LHX8: variants seen among roughly 807,000 people sequenced by gnomAD.
The protein encoded by LHX8 is LIM homeobox 8.
Under a neutral mutation model 40.3 loss-of-function variants are expected in LHX8, and 12 were observed. The ratio of observed to expected loss-of-function variants is 0.30; its 90% confidence interval spans 0.19 to 0.48. The LOEUF is 0.48. Ranked by LOEUF, LHX8 falls within the 20% of genes least tolerant of loss-of-function variation. LHX8 has a pLI of 0.99. For synonymous variants in LHX8, 179 were observed against 162.0 expected (o/e 1.10, Z -0.80); for missense variants, 344 against 433.7 (o/e 0.79, Z 1.84).
the LHX8 span, among the ~76,000 whole-genome samples, chr1:75,189,678 G>A: frequency 2.0e-5 from 3 of 152,116 alleles, no homozygotes; most frequent in South Asian, 6.2e-4. Flanking sequence ...TCAAATGTTA[G>A]TGATGTCATA....
the LHX8 span, among the ~76,000 whole-genome samples, chr1:75,196,432 T>C: frequency 6.6e-6 from 1 of 152,144 alleles, no homozygotes; most frequent in Non-Finnish European, 1.5e-5. Context: ...GCAATACACA[T>C]GGCACTCTTT....
chr1:75,130,712 G>T, upstream of LHX8: 1 of 1,614,064 alleles, frequency 6.2e-7, no homozygotes, highest in East Asian at 2.2e-5. Flanking sequence ...TCTCTGAGGG[G>T]TTATGCAGAT....
At chr1:75,175,731 G>T in the LHX8 span, among the ~76,000 whole-genome samples, 1 of 151,830 alleles carries the variant, frequency 6.6e-6, no homozygotes, top group African/African-American at 2.4e-5. Flanking sequence ...GTGCAGGTTT[G>T]GTACATATGT....
At chr1:75,173,676 C>T in the LHX8 span, among the ~76,000 whole-genome samples, 4 of 152,142 alleles carry the variant, frequency 2.6e-5, no homozygotes, top group African/African-American at 9.6e-5. Flanking sequence ...GCCACCGTGC[C>T]CAGCCCAGGA....
chr1:75,179,833 G>T, the LHX8 span, among the ~76,000 whole-genome samples: 1 of 152,122 alleles, frequency 6.6e-6, no homozygotes, highest in South Asian at 2.1e-4. Context: ...GGTACCGGTT[G>T]TTCCTTTCCA....
chr1:75,140,120 C>T (rs577443892), intron 3 of LHX8, among the ~76,000 whole-genome samples: 9 of 152,272 alleles, frequency 5.9e-5, no homozygotes, highest in Admixed American at 3.3e-4. Context: ...AAAGTTGTAG[C>T]GCTTGTAATA....
intron 3 of LHX8, 84 bp downstream of exon 3, chr1:75,137,345 A>G: frequency 7.2e-7 from 1 of 1,388,134 alleles, no homozygotes; most frequent in South Asian, 1.2e-5. Flanking sequence ...TCCTCCCACC[A>G]ACCTTTCCGT....
chr1:75,141,303 A>T (rs1013190138), intron 4 of LHX8, among the ~76,000 whole-genome samples, 197 bp downstream of exon 4: 13 of 152,162 alleles, frequency 8.5e-5, no homozygotes, highest in Non-Finnish European at 8.8e-5. Context: ...TTGGGAATTC[A>T]GTAGACAAAA....
At chr1:75,131,826 T>G, upstream of LHX8, 1 of 152,242 alleles carries the variant, frequency 6.6e-6, no homozygotes, top group Middle Eastern at 3.2e-3. Flanking sequence ...GTCTTTCCCA[T>G]GGGCTTGCAA....
At chr1:75,137,345 A>C in intron 3 of LHX8, 84 bp downstream of exon 3, 1 of 1,388,134 alleles carries the variant, frequency 7.2e-7, no homozygotes, top group East Asian at 2.3e-5. Flanking sequence ...TCCTCCCACC[A>C]ACCTTTCCGT....
the LHX8 span, among the ~76,000 whole-genome samples, chr1:75,188,329 G>A: frequency 6.6e-6 from 1 of 152,086 alleles, no homozygotes; most frequent in Admixed American, 6.6e-5. Flanking sequence ...ATACCCATAC[G>A]TGTTGCTCAT....
the LHX8 span, among the ~76,000 whole-genome samples, chr1:75,173,108 T>C: frequency 6.6e-6 from 1 of 152,180 alleles, no homozygotes; most frequent in African/African-American, 2.4e-5. Flanking sequence ...GGAGATTCCA[T>C]TTCCACTGGA....
chr1:75,159,665 C>T (rs1274540410), intron 8 of LHX8: 1 of 152,024 alleles, frequency 6.6e-6, no homozygotes, highest in Admixed American at 6.6e-5. Flanking sequence ...TGGGTCTATT[C>T]TGTTTTCTTA....
At chr1:75,179,607 A>G in the LHX8 span, among the ~76,000 whole-genome samples, 2 of 149,686 alleles carry the variant, frequency 1.3e-5, no homozygotes, top group Admixed American at 6.7e-5. Context: ...GGGTCTCCTG[A>G]ATACAGCACT....
downstream of LHX8, among the ~76,000 whole-genome samples, chr1:75,164,027 T>C (rs189776053): frequency 8.1e-4 from 124 of 152,332 alleles, no homozygotes; most frequent in African/African-American, 2.9e-3. Flanking sequence ...ACATTTCTGT[T>C]GTTCATAAAT....
At chr1:75,183,664 A>G in the LHX8 span, among the ~76,000 whole-genome samples, 2 of 152,236 alleles carry the variant, frequency 1.3e-5, no homozygotes, top group African/African-American at 4.8e-5. Context: ...ACCAGCCAAT[A>G]CAAAAACACA....
At chr1:75,157,278 A>G (rs1308328683) in intron 8 of LHX8, among the ~76,000 whole-genome samples, 1 of 152,206 alleles carries the variant, frequency 6.6e-6, no homozygotes, top group Non-Finnish European at 1.5e-5. Flanking sequence ...TTTAATACTC[A>G]CTTTGCAGCT....
At chr1:75,153,522 C>T (rs1333660890) in intron 7 of LHX8, among the ~76,000 whole-genome samples, 1 of 74,720 alleles carries the variant, frequency 1.3e-5, no homozygotes, top group African/African-American at 6.4e-5. Context: ...GAGTGATTCT[C>T]CTCCTCAGCC....
chr1:75,130,289 C>T (rs931920455), upstream of LHX8: 15 of 219,356 alleles, frequency 6.8e-5, no homozygotes, highest in African/African-American at 3.4e-4. Flanking sequence ...GCTCTGCGAA[C>T]CGGCTGGAAA....
Sources: allele counts gnomAD v4.1 joint callset (sites outside exome capture counted in the v4.1 genomes callset), GRCh38; gene constraint gnomAD v4.1.1; transcripts MANE v1.5; gene names NCBI Gene and HGNC (gene_info 2026-07-23, HGNC 2026-07-21).